Variants in PCDH9 observed in about 807,000 individuals in gnomAD.
PCDH9 encodes protocadherin-9.
Under a neutral mutation model 70.6 loss-of-function variants are expected in PCDH9, and 24 were observed. That is an observed-to-expected ratio of 0.34 (90% confidence interval 0.25 to 0.48). PCDH9 has a LOEUF of 0.48. Ranked by LOEUF, PCDH9 falls within the 20% of genes least tolerant of loss-of-function variation. The probability of loss-of-function intolerance (pLI) is 0.99; values close to 1 mark genes in which losing one functional copy is unlikely to be tolerated. For synonymous variants in PCDH9, 562 were observed against 558.5 expected (o/e 1.01, Z -0.09); for missense variants, 1,281 against 1,503.6 (o/e 0.85, Z 2.45).
At chr13:66,561,847 T>G (rs1198087578) in intron 4 of PCDH9, among the ~76,000 whole-genome samples, 1 of 151,734 alleles carries the variant, frequency 6.6e-6, no homozygotes, top group Non-Finnish European at 1.5e-5. Context: ...GCTGCCCGAG[T>G]CAGCAGTGGC....
At chr13:66,841,521 T>C (rs1462748684) in intron 3 of PCDH9, among the ~76,000 whole-genome samples, 2 of 152,162 alleles carry the variant, frequency 1.3e-5, no homozygotes, top group Non-Finnish European at 2.9e-5. Flanking sequence ...CAGCAAATTT[T>C]CTCTTTCATT....
intron 4 of PCDH9, among the ~76,000 whole-genome samples, chr13:66,342,692 C>T (rs1593830488): frequency 2.0e-5 from 3 of 152,108 alleles, no homozygotes; most frequent in South Asian, 2.1e-4. Context: ...GCACAACAAC[C>T]TCCGCCTCCC....
At chr13:66,753,302 A>G (rs1253733603) in intron 3 of PCDH9, among the ~76,000 whole-genome samples, 1 of 152,150 alleles carries the variant, frequency 6.6e-6, no homozygotes, top group Non-Finnish European at 1.5e-5. Flanking sequence ...GTTCTATCCC[A>G]CTGTAAAATG....
At chr13:67,003,276 C>T (rs969574174) in intron 2 of PCDH9, among the ~76,000 whole-genome samples, 3 of 151,956 alleles carry the variant, frequency 2.0e-5, no homozygotes, top group South Asian at 4.1e-4. Flanking sequence ...AAATAACTTC[C>T]TTGCAACAAA....
At chr13:66,738,079 C>T (rs1263622667) in intron 3 of PCDH9, among the ~76,000 whole-genome samples, 1 of 152,230 alleles carries the variant, frequency 6.6e-6, no homozygotes, top group Non-Finnish European at 1.5e-5. Context: ...GTAACCTCTG[C>T]AGACTTAAAT....
intron 4 of PCDH9, among the ~76,000 whole-genome samples, chr13:66,532,170 T>TC (rs1960490161): frequency 1.3e-5 from 2 of 151,506 alleles, no homozygotes; most frequent in African/African-American, 4.8e-5. Flanking sequence ...TTTAGTGGTT[T>TC]TTTTTTTTTC....
chr13:66,377,186 T>C (rs1444097321), intron 4 of PCDH9, among the ~76,000 whole-genome samples: 1 of 152,152 alleles, frequency 6.6e-6, no homozygotes, highest in Non-Finnish European at 1.5e-5. Context: ...CAGTCAGTCA[T>C]GTCATATTTA....
chr13:67,127,676 ATGTGTG>A (rs142545550), intron 2 of PCDH9, among the ~76,000 whole-genome samples: 5 of 145,490 alleles, frequency 3.4e-5, no homozygotes, highest in African/African-American at 1.0e-4. Context: ...ATATATATAT[ATGTGTG>A]TGTGTGTGTG....
chr13:67,083,626 G>C (rs1009874672), intron 2 of PCDH9, among the ~76,000 whole-genome samples: 1 of 151,986 alleles, frequency 6.6e-6, no homozygotes, highest in Non-Finnish European at 1.5e-5. Context: ...AAAAATTGAC[G>C]TGAAAATGGT....
At chr13:67,166,797 G>A (rs903291165) in intron 2 of PCDH9, among the ~76,000 whole-genome samples, 1 of 152,074 alleles carries the variant, frequency 6.6e-6, no homozygotes, top group Non-Finnish European at 1.5e-5. Flanking sequence ...CGTGGCTACG[G>A]GCATTGTACC....
intron 3 of PCDH9, among the ~76,000 whole-genome samples, chr13:66,796,883 AT>A (rs1366109295): frequency 6.6e-6 from 1 of 152,136 alleles, no homozygotes; most frequent in African/African-American, 2.4e-5. Flanking sequence ...AGGCAAGATT[AT>A]AAAAAAGAAG....
chr13:66,403,156 TC>T (rs1957218587), intron 4 of PCDH9, among the ~76,000 whole-genome samples: 1 of 152,092 alleles, frequency 6.6e-6, no homozygotes, highest in South Asian at 2.1e-4. Context: ...CATTTTTTTT[TC>T]AATACAGGGT....
At chr13:66,634,121 T>C (rs895257741) in intron 3 of PCDH9, among the ~76,000 whole-genome samples, 1 of 152,184 alleles carries the variant, frequency 6.6e-6, no homozygotes, top group African/African-American at 2.4e-5. Context: ...AATTAGACAC[T>C]GTAAATTGGA....
chr13:66,376,749 T>C (rs1181214854), intron 4 of PCDH9, among the ~76,000 whole-genome samples: 1 of 152,152 alleles, frequency 6.6e-6, no homozygotes, highest in South Asian at 2.1e-4. Flanking sequence ...TGAAAATGAA[T>C]GAATTATACT....
At chr13:66,948,592 C>G (rs1050284978) in intron 2 of PCDH9, among the ~76,000 whole-genome samples, 1 of 150,486 alleles carries the variant, frequency 6.6e-6, no homozygotes, top group Non-Finnish European at 1.5e-5. Flanking sequence ...CTCCATGATA[C>G]AAAAGTATTC....
intron 2 of PCDH9, among the ~76,000 whole-genome samples, chr13:67,159,583 C>T (rs144382291): frequency 1.3e-4 from 20 of 152,104 alleles, no homozygotes; most frequent in African/African-American, 4.1e-4. Context: ...TAAAACATTT[C>T]GAAAAATAAA....
intron 2 of PCDH9, among the ~76,000 whole-genome samples, chr13:67,110,030 G>A (rs774168659): frequency 6.6e-6 from 1 of 152,014 alleles, no homozygotes; most frequent in Non-Finnish European, 1.5e-5. Flanking sequence ...GATTTCAAGG[G>A]CTTGATAATT....
In PCDH9 at chr13:66,603,271, G is replaced by T. The variant is rs1306423632; in HGVS notation, c.3340+27939C>A. 1.2e-4 allele frequency among the ~76,000 whole-genome samples: 14 copies of T among 113,550 alleles called. 1 individual carries two copies. Among genetic ancestry groups the T allele is most frequent in the Admixed American group, 1.2e-3 (14 of 11,582 alleles). The allele number at this position is 113,550 out of a possible 152,430, so 74.5% of individuals were successfully genotyped here. A position where few individuals can be genotyped will look rare whatever the true frequency, so the allele number is the denominator to read the frequency against. ...ATCCAATAGAGCTTAGTTAATCAGA[G>T]AAGAGATTAGCTGCTTTTTAACTTA... On this transcript the variant is annotated intron_variant, in intron 4 of 4. Coordinates refer to ENST00000377865, the MANE Select transcript of PCDH9 (RefSeq NM_203487.3).
intron 3 of PCDH9, among the ~76,000 whole-genome samples, chr13:66,689,922 C>T (rs1010901232): frequency 6.6e-6 from 1 of 152,036 alleles, no homozygotes; most frequent in African/African-American, 2.4e-5. Context: ...AAAGACTATG[C>T]CTCGAGATAT....
Sources: gnomAD v4.1 joint callset for allele counts (sites outside exome capture counted in the v4.1 genomes callset) on GRCh38, gnomAD v4.1.1 for gene constraint, MANE v1.5 for transcripts, NCBI Gene and HGNC (gene_info 2026-07-23, HGNC 2026-07-21) for gene names.